The following APAF1 variants were observed in gnomAD, a reference collection of about 807,000 sequenced individuals.
APAF1 encodes the protein apoptotic peptidase activating factor 1.
APAF1 carries 91 observed loss-of-function variants against 152.4 expected under a neutral mutation model. The observed-to-expected ratio is 0.60, with a 90% confidence interval of 0.50 to 0.71. The LOEUF (loss-of-function observed/expected upper bound fraction) is 0.71, where lower values mean the gene tolerates loss of function less well. Ranked by LOEUF, APAF1 falls within the 30% of genes least tolerant of loss-of-function variation. APAF1 has a pLI of 0.00. For synonymous variants in APAF1, 484 were observed against 494.1 expected (o/e 0.98, Z 0.27); for missense variants, 1,283 against 1,472.0 (o/e 0.87, Z 2.10).
chr12:98,676,082 A>G (rs1201341925), intron 12 of APAF1, among the ~76,000 whole-genome samples: 1 of 152,230 alleles, frequency 6.6e-6, no homozygotes, highest in Non-Finnish European at 1.5e-5. Flanking sequence ...CTTGATTTCT[A>G]AAATAAGCAC....
chr12:98,683,953 T>C (rs575241845), intron 15 of APAF1, among the ~76,000 whole-genome samples: 2 of 152,218 alleles, frequency 1.3e-5, no homozygotes, highest in South Asian at 4.1e-4. Context: ...TGTATCTTTT[T>C]TTCCTCTTAA....
Position 98,699,486 on chromosome 12 carries a change from G to C in APAF1, c.2383G>C (p.Glu795Gln), listed in dbSNP as rs181546874. 1.2e-4 allele frequency: 201 copies of C among 1,614,170 alleles called. No individual in the cohort carries two copies. The Admixed American group carries it at 3.3e-3, about 26-fold the overall frequency. ...QFFLNLEDPQ[E>Q]DMEVIVKCCS... is the part of the protein sequence containing the mutation. The stretch of plus-strand genomic sequence containing the variant: ...CTTCCTAAATTTGGAGGACCCTCAA[G>C]AGGATATGGAAGTGATAGTGAAGTG... The change falls in exon 17 of 27, where the codon GAG becomes CAG. Residue 795 changes from glutamate (E) to glutamine (Q), a missense_variant. Physicochemically the swap from Glu to Gln is conservative, Grantham distance 29. Transcript: ENST00000551964.
chr12:98,659,916 T>C (rs183444074), intron 5 of APAF1, among the ~76,000 whole-genome samples: 24 of 152,346 alleles, frequency 1.6e-4, no homozygotes, highest in Middle Eastern at 6.8e-3. Context: ...TGTACCATTG[T>C]AGGCTTTCAG....
intron 22 of APAF1, among the ~76,000 whole-genome samples, chr12:98,717,063 T>G (rs768972479): frequency 2.6e-5 from 4 of 151,792 alleles, no homozygotes; most frequent in Non-Finnish European, 4.4e-5. Flanking sequence ...AGAGATGAGA[T>G]TCCACCATGC....
chr12:98,702,127 G>T (rs948273263), intron 17 of APAF1, among the ~76,000 whole-genome samples: 1 of 151,848 alleles, frequency 6.6e-6, no homozygotes, highest in African/African-American at 2.4e-5. Context: ...GTGCAGTGGC[G>T]CTATCTCGGT....
intron 20 of APAF1, 121 bp from the exon 21 acceptor site, chr12:98,712,198 T>G: frequency 1.4e-6 from 1 of 702,582 alleles, no homozygotes; most frequent in East Asian, 2.7e-5. Flanking sequence ...GTTGTTCCCC[T>G]GAGAGCTCTT....
chr12:98,730,684 C>T (rs1348555403), intron 26 of APAF1, among the ~76,000 whole-genome samples: 2 of 152,098 alleles, frequency 1.3e-5, no homozygotes, highest in Non-Finnish European at 2.9e-5. Flanking sequence ...CTGCATCTAC[C>T]CAGCATGTTA....
At position 98,649,556 on chromosome 12, in the gene APAF1, T is replaced by A. The variant is rs1366166319; in HGVS notation, c.398T>A (p.Val133Glu). 1 of 1,614,164 alleles carries A rather than the reference T, an allele frequency of 6.2e-7. No individual in the cohort carries two copies. The highest frequency in any genetic ancestry group is 2.2e-5 in the East Asian group (1 of 44,884). Residue 133 changes from valine (V) to glutamate (E), a missense_variant, in exon 4 of 27, where the codon GTG (valine) becomes GAG (glutamate). Val to Glu is a moderately radical substitution (Grantham distance 121). Transcript: ENST00000551964. The part of the protein sequence containing the change: ...PVVFVTRKKL[V>E]NAIQQKLSKL... ...GTTTTTGTCACAAGGAAGAAGCTGG[T>A]GAATGCAATTCAGCAGAAGCTCTCC...
intron 13 of APAF1, 51 bp from the exon 14 acceptor site, chr12:98,680,226 C>T (rs1275051951): frequency 6.6e-7 from 1 of 1,519,102 alleles, no homozygotes; most frequent in East Asian, 2.5e-5. Context: ...TGAATGATGA[C>T]CAGTAGTTAA....
At chr12:98,681,714 C>T (rs1309304474) in intron 14 of APAF1, among the ~76,000 whole-genome samples, 1 of 152,152 alleles carries the variant, frequency 6.6e-6, no homozygotes, top group Non-Finnish European at 1.5e-5. Flanking sequence ...GTAGTGTCTA[C>T]TCTGACTCTG....
intron 4 of APAF1, among the ~76,000 whole-genome samples, chr12:98,656,032 C>T (rs995234397): frequency 6.6e-6 from 1 of 152,134 alleles, no homozygotes; most frequent in African/African-American, 2.4e-5. Context: ...ATCCGCCCAC[C>T]TCGGCCTCCC....
intron 4 of APAF1, among the ~76,000 whole-genome samples, chr12:98,656,519 C>T (rs1025731075): frequency 1.3e-5 from 2 of 152,186 alleles, no homozygotes; most frequent in Non-Finnish European, 2.9e-5. Flanking sequence ...AGTTCTCTGT[C>T]TCCAGTTGTT....
At chr12:98,708,773 T>C (rs1386087446) in intron 20 of APAF1, 69 bp downstream of exon 20, 64 of 1,533,874 alleles carry the variant, frequency 4.2e-5, no homozygotes, top group Non-Finnish European at 5.7e-5. Flanking sequence ...TTTTTCTTGT[T>C]TTTGGACTTG....
At chr12:98,667,719 T>A in intron 10 of APAF1, 75 bp downstream of exon 10, 1 of 1,470,956 alleles carries the variant, frequency 6.8e-7, no homozygotes, top group Non-Finnish European at 9.4e-7. Context: ...GTGCTTTTTT[T>A]CTGTTATTTT....
chr12:98,661,128 C>G (rs137983508), intron 5 of APAF1, among the ~76,000 whole-genome samples: 31 of 152,298 alleles, frequency 2.0e-4, no homozygotes, highest in African/African-American at 7.2e-4. Context: ...GTCTTGATCT[C>G]CTGACCTCGT....
At chr12:98,662,294 G>A (rs1212824536) in intron 5 of APAF1, among the ~76,000 whole-genome samples, 162 bp from the exon 6 acceptor site, 2 of 151,740 alleles carry the variant, frequency 1.3e-5, no homozygotes, top group Non-Finnish European at 2.9e-5. Flanking sequence ...ATATTGAGAA[G>A]AGTATAGCAA....
chr12:98,728,084 A>T (rs1310729484), intron 26 of APAF1, among the ~76,000 whole-genome samples: 3 of 152,166 alleles, frequency 2.0e-5, no homozygotes, highest in Admixed American at 2.0e-4. Flanking sequence ...CTTTCCTCAG[A>T]TCTTGGGGAA....
At chr12:98,696,981 G>A (rs76611271) in intron 16 of APAF1, among the ~76,000 whole-genome samples, 2 of 152,300 alleles carry the variant, frequency 1.3e-5, no homozygotes, top group African/African-American at 4.8e-5. Flanking sequence ...AATCATAAAC[G>A]TATGAAGACA....
Position 98,699,419 on chromosome 12 carries a change from G to C in APAF1, c.2316G>C (p.Ala772=). ...ACTTTAATTCAAAGCTTTGGGATGC[G>C]ACATCAGCAAATGAGAGGAAAAGCA... ...SADGTLKLWD[A]TSANERKSIN... The change falls in exon 17 of 27, where the codon GCG becomes GCC. Residue 772 remains alanine (A), a synonymous_variant. Transcript: ENST00000551964. 6.2e-7 allele frequency: 1 copy of C among 1,613,938 alleles called. No homozygotes were observed. The highest frequency in any genetic ancestry group is 1.1e-5 in the South Asian group (1 of 91,046).
Sources: gnomAD v4.1 joint callset for allele counts (sites outside exome capture counted in the v4.1 genomes callset) on GRCh38, gnomAD v4.1.1 for gene constraint, MANE v1.5 for transcripts, NCBI Gene and HGNC (gene_info 2026-07-23, HGNC 2026-07-21) for gene names.